The following BRCA2 variants were observed in gnomAD, a reference collection of about 807,000 sequenced individuals.
The protein encoded by BRCA2 is BRCA2 DNA repair associated, also known as breast cancer type 2 susceptibility protein.
Under a neutral mutation model 276.7 loss-of-function variants are expected in BRCA2, and 203 were observed. That is an observed-to-expected ratio of 0.73 (90% confidence interval 0.65 to 0.82). The LOEUF is 0.82. Among genes scored for constraint, BRCA2 ranks in the 40% least tolerant of loss-of-function variants. The pLI, the probability that BRCA2 is intolerant of heterozygous loss-of-function variation, is 0.00. For synonymous variants in BRCA2, 1,289 were observed against 1,338.4 expected (o/e 0.96, Z 0.81); for missense variants, 3,920 against 3,915.0 (o/e 1.00, Z -0.03).
intron 16 of BRCA2, among the ~76,000 whole-genome samples, chr13:32,362,198 A>T (rs1417348400): frequency 5.3e-5 from 8 of 151,576 alleles, no homozygotes; most frequent in Non-Finnish European, 1.0e-4. Flanking sequence ...GATTTTTTTT[A>T]TTATTTTTTG....
chr13:32,373,798 C>A (rs916910560), intron 20 of BRCA2, among the ~76,000 whole-genome samples: 1 of 152,246 alleles, frequency 6.6e-6, no homozygotes, highest in Non-Finnish European at 1.5e-5. Context: ...CAGTTCCCCA[C>A]TGAGGACTGT....
chr13:32,365,992 A>G (rs1324579786), intron 18 of BRCA2, among the ~76,000 whole-genome samples: 2 of 151,034 alleles, frequency 1.3e-5, no homozygotes, highest in African/African-American at 4.9e-5. Flanking sequence ...AACTTCTGGG[A>G]TGGTTTTTAA....
At chr13:32,324,315 A>G (rs947757580) in intron 3 of BRCA2, among the ~76,000 whole-genome samples, 1 of 152,176 alleles carries the variant, frequency 6.6e-6, no homozygotes, top group African/African-American at 2.4e-5. Context: ...AAGAAGGGGA[A>G]ACAGCTTGTA....
intron 26 of BRCA2, among the ~76,000 whole-genome samples, chr13:32,397,578 T>C (rs2073045068): frequency 1.3e-5 from 2 of 150,156 alleles, no homozygotes; most frequent in African/African-American, 4.9e-5. Flanking sequence ...CATTTTTTTT[T>C]CTCATCACTG....
chr13:32,368,001 C>CTTTTTTTT lies in BRCA2; in HGVS notation c.8332-2372_8332-2365dup, dbSNP rs71071031. Among the ~76,000 whole-genome samples the CTTTTTTTT allele has an allele frequency of 2.6e-4, 13 of 50,768 alleles. 3 individuals are homozygous for CTTTTTTTT. Among genetic ancestry groups the CTTTTTTTT allele is most frequent in the African/African-American group, 3.3e-4 (4 of 12,230 alleles). 33.3% of individuals were successfully genotyped at this position (50,768 alleles called of 152,430 possible). A position where few individuals can be genotyped will look rare whatever the true frequency, so the allele number is the denominator to read the frequency against. ...ATTAGGGTTGTCTTTTCTTCTAATT[C>CTTTTTTTT]TTTTTTTTTTTTTTTTTTTTTTTTT... On this transcript the variant is annotated intron_variant, in intron 18 of 26. Transcript: ENST00000380152.
rs397507859 is a variant in BRCA2, at chr13:32,340,824, C to T, written c.6469C>T (p.Gln2157Ter). 1 of 1,589,328 alleles carries T rather than the reference C, an allele frequency of 6.3e-7. No individual in the cohort carries two copies. Among genetic ancestry groups the T allele is most frequent in the Non-Finnish European group, 8.5e-7 (1 of 1,171,752 alleles). ...TATTAAAGTTTCTCCATATCTCTCTCAATTTCAACAAGACAAACAACAGTT... is the reference window on the plus strand; with the variant it reads ...TATTAAAGTTTCTCCATATCTCTCTTAATTTCAACAAGACAAACAACAGTT... ...HSIKVSPYLS[Q>*]FQQDKQQLVL... Residue 2157 changes from glutamine to a stop codon, truncating the protein, a stop_gained, in exon 11 of 27, where the codon CAA (glutamine) becomes TAA (stop). Coordinates refer to ENST00000380152, the MANE Select transcript of BRCA2 (RefSeq NM_000059.4). LOFTEE classifies it high-confidence loss of function.
rs1593905014 is a variant in BRCA2 at position 32,339,632 on chromosome 13, T to C, written c.5277T>C (p.Asp1759=). Residue 1759 remains aspartate, a synonymous_variant, in exon 11 of 27, where the codon GAT becomes GAC. Coordinates refer to ENST00000380152, the MANE Select transcript of BRCA2 (RefSeq NM_000059.4). The stretch of plus-strand genomic sequence containing the variant: ...ACCATTCTGATGAGGTATATAATGA[T>C]TCAGGATATCTCTCAAAAAATAAAC... ...YSYHSDEVYN[D]SGYLSKNKLD... 1 of 1,612,240 alleles carries C rather than the reference T, an allele frequency of 6.2e-7. No homozygotes were observed. The highest frequency in any genetic ancestry group is 8.5e-7 in the Non-Finnish European group (1 of 1,178,596).
chr13:32,394,720 A>G lies in BRCA2; in HGVS notation c.9288A>G (p.Glu3096=). 1 of 1,613,774 alleles carries G rather than the reference A, an allele frequency of 6.2e-7. No homozygotes were observed. The highest frequency in any genetic ancestry group is 1.1e-5 in the South Asian group (1 of 91,036). The change falls in exon 25 of 27, where the codon GAA becomes GAG. Residue 3096 remains glutamate, a synonymous_variant. Coordinates refer to ENST00000380152, the MANE Select transcript of BRCA2 (RefSeq NM_000059.4). ...GLAPFVYLSD[E]CYNLLAIKFW... ...CCCCTTTCGTCTATTTGTCAGACGA[A>G]TGTTACAATTTACTGGCAATAAAGT... is the stretch of plus-strand genomic sequence containing the variant.
chr13:32,338,350 A>G lies in BRCA2; in HGVS notation c.3995A>G (p.His1332Arg), dbSNP rs398122774. ...NKYTAASRNS[H>R]NLEFDGSDSS... ...TATACTGCTGCCAGTAGAAATTCTC[A>G]TAACTTAGAATTTGATGGCAGTGAT... Residue 1332 changes from histidine (H) to arginine (R), a missense_variant, in exon 11 of 27, where the codon CAT (histidine) becomes CGT (arginine). His to Arg is a conservative substitution (Grantham distance 29, BLOSUM62 0). Around this residue, in one of 2 missense-constraint regions of BRCA2, gnomAD observed 3,263 missense variants for 3,156.9 expected, o/e 1.03. Transcript: ENST00000380152. 2 of 1,585,794 alleles carry G rather than the reference A, an allele frequency of 1.3e-6. No individual in the cohort carries two copies. Among genetic ancestry groups the G allele is most frequent in the Non-Finnish European group, 1.7e-6 (2 of 1,168,842 alleles).
intron 10 of BRCA2, 103 bp from the exon 11 acceptor site, chr13:32,336,162 T>G: frequency 7.7e-7 from 1 of 1,302,018 alleles, no homozygotes; most frequent in Non-Finnish European, 1.0e-6. Context: ...ATTACAGGCA[T>G]GAGCCACTGT....
intron 18 of BRCA2, among the ~76,000 whole-genome samples, chr13:32,364,041 T>G (rs2072764801): frequency 1.3e-5 from 2 of 152,216 alleles, no homozygotes; most frequent in Admixed American, 6.5e-5. Flanking sequence ...AATTTACTTC[T>G]GTGGTATTCT....
intron 13 of BRCA2, among the ~76,000 whole-genome samples, chr13:32,349,322 CA>C (rs71802971): frequency 8.4e-5 from 12 of 143,184 alleles, no homozygotes; most frequent in East Asian, 2.0e-4. Context: ...TACACACACA[CA>C]AAAAAAAAAC....
intron 10 of BRCA2, among the ~76,000 whole-genome samples, chr13:32,334,633 C>T (rs1285011583): frequency 6.7e-6 from 1 of 149,954 alleles, no homozygotes; most frequent in Non-Finnish European, 1.5e-5. Context: ...AAAATTGTAC[C>T]AGTGCACTCC....
chr13:32,326,492 C>T lies in BRCA2; in HGVS notation c.517-7C>T, dbSNP rs2137451844. The stretch of plus-strand genomic sequence containing the variant: ...TATAAAAAATAAACTATTTTCTTTC[C>T]TCCCAGGGTCGTCAGACACCAAAAC... On this transcript the variant is annotated splice_region_variant and splice_polypyrimidine_tract_variant and intron_variant, in intron 6 of 26. Coordinates refer to ENST00000380152, the MANE Select transcript of BRCA2 (RefSeq NM_000059.4). 2.5e-6 allele frequency: 4 copies of T among 1,589,276 alleles called. No individual in the cohort carries two copies. Among genetic ancestry groups the T allele is most frequent in the Non-Finnish European group, 3.5e-6 (4 of 1,157,546 alleles).
chr13:32,359,741 C>T (rs898900954), intron 16 of BRCA2, among the ~76,000 whole-genome samples: 1 of 152,242 alleles, frequency 6.6e-6, no homozygotes, highest in African/African-American at 2.4e-5. Flanking sequence ...ATTATTTTCT[C>T]GTACTAAATA....
intron 13 of BRCA2, among the ~76,000 whole-genome samples, chr13:32,350,082 A>G (rs1040888854): frequency 1.3e-5 from 2 of 152,156 alleles, no homozygotes; most frequent in African/African-American, 4.8e-5. Context: ...CACTAGTGGA[A>G]GTTTCCATTT....
At chr13:32,375,966 C>T (rs2072868469) in intron 20 of BRCA2, among the ~76,000 whole-genome samples, 1 of 152,176 alleles carries the variant, frequency 6.6e-6, no homozygotes, top group South Asian at 2.1e-4. Flanking sequence ...ATTAATCACT[C>T]TATACATCTC....
rs41293467 is a variant in BRCA2 at position 32,326,271 on chromosome 13, A to C, written c.505A>C (p.Lys169Gln). The change falls in exon 6 of 27, where the codon AAG becomes CAG. Residue 169 changes from lysine (K) to glutamine (Q), a missense_variant. Around this residue, in one of 2 missense-constraint regions of BRCA2, gnomAD observed 3,263 missense variants for 3,156.9 expected, o/e 1.03. Transcript: ENST00000380152. ...VVCGSLFHTP[K>Q]FVKGRQTPKH... ...ATGTGGGAGTTTGTTTCATACACCA[A>C]AGTTTGTGAAGGTAAATATTCTACC... The C allele has an allele frequency of 1.2e-6, 2 of 1,613,034 alleles. No homozygotes were observed. The highest frequency in any genetic ancestry group is 2.7e-5 in the African/African-American group (2 of 74,894).
At chr13:32,385,230 C>T in intron 24 of BRCA2, 1 of 192,822 alleles carries the variant, frequency 5.2e-6, no homozygotes. Context: ...GCCTGGATGG[C>T]TTTAAATTAG....
Sources: gnomAD v4.1 joint callset for allele counts (sites outside exome capture counted in the v4.1 genomes callset) on GRCh38, gnomAD v4.1.1 for gene constraint, gnomAD v4.1.1 regional missense constraint, MANE v1.5 for transcripts, NCBI Gene and HGNC (gene_info 2026-07-23, HGNC 2026-07-21) for gene names.